Variants in PRKAR1B observed in about 807,000 individuals in gnomAD.
PRKAR1B encodes the protein cAMP-dependent protein kinase type I-beta regulatory subunit.
In PRKAR1B, 22 loss-of-function variants were observed where a neutral mutation model predicts 46.5. The ratio of observed to expected loss-of-function variants is 0.47; its 90% CI spans 0.34 to 0.68. The LOEUF is 0.68. PRKAR1B is among the 30% of genes least tolerant of loss of function. The pLI is 0.01. For synonymous variants in PRKAR1B, 259 were observed against 217.7 expected (o/e 1.19, Z -1.67); for missense variants, 445 against 535.6 (o/e 0.83, Z 1.67).
At chr7:586,853 G>A (rs1464915862) in intron 7 of PRKAR1B, among the ~76,000 whole-genome samples, 5 of 151,338 alleles carry the variant, frequency 3.3e-5, no homozygotes, top group Admixed American at 2.6e-4. Context: ...ACGCCTGGGG[G>A]CAATGGTGAA....
chr7:713,433 C>G (rs79529941), intron 1 of PRKAR1B, among the ~76,000 whole-genome samples: 2,593 of 152,132 alleles, frequency 0.017, 41 homozygotes, highest in East Asian at 0.1. Flanking sequence ...ACTATGCTGC[C>G]CCATCTTCAC....
intron 9 of PRKAR1B, among the ~76,000 whole-genome samples, chr7:556,297 G>A (rs2128421744): frequency 6.6e-6 from 1 of 151,922 alleles, no homozygotes; most frequent in Admixed American, 6.6e-5. Context: ...CCCCTCAGAG[G>A]CATCCCAGAG....
rs1182935548 is a variant in PRKAR1B at position 588,676 on chromosome 7, TGAC to T, written c.709-4111_709-4109del. Among the ~76,000 whole-genome samples, 26 of 140,246 alleles carry T rather than the reference TGAC, an allele frequency of 1.9e-4. 2 individuals carry two copies. Among genetic ancestry groups the T allele is most frequent in the Admixed American group, 4.1e-4 (6 of 14,528 alleles). 92.0% of individuals were successfully genotyped at this position (140,246 alleles called of 152,430 possible). ...GTGGTGAGGATAGTGACAGTGGTGA[TGAC>T]GATGATGGTGATGGTGGTGATGGTG... On this transcript the variant is annotated intron_variant, in intron 7 of 10. Coordinates refer to ENST00000537384, the MANE Select transcript of PRKAR1B (RefSeq NM_001164760.2).
At chr7:570,938 T>C (rs944542844) in intron 9 of PRKAR1B, among the ~76,000 whole-genome samples, 1 of 151,962 alleles carries the variant, frequency 6.6e-6, no homozygotes, top group Non-Finnish European at 1.5e-5. Context: ...CAAGCCCTCA[T>C]GTCCTTCCAA....
chr7:650,053 A>G (rs1371641505), intron 4 of PRKAR1B, among the ~76,000 whole-genome samples: 1 of 150,974 alleles, frequency 6.6e-6, no homozygotes, highest in Non-Finnish European at 1.5e-5. Flanking sequence ...CCTATGCTCA[A>G]GTGATCCTCC....
At chr7:671,835 T>C (rs915871834) in intron 4 of PRKAR1B, among the ~76,000 whole-genome samples, 2 of 152,214 alleles carry the variant, frequency 1.3e-5, no homozygotes, top group African/African-American at 4.8e-5. Context: ...GCCCCAGCCA[T>C]GCCTGGAACG....
intron 1 of PRKAR1B, chr7:726,628 C>T: frequency 9.8e-7 from 1 of 1,025,614 alleles, no homozygotes; most frequent in Non-Finnish European, 1.2e-6. Context: ...TAGCCCGGCG[C>T]CCCGCCCGCA....
chr7:669,428 C>G (rs1344116356), intron 4 of PRKAR1B, among the ~76,000 whole-genome samples: 2 of 152,060 alleles, frequency 1.3e-5, no homozygotes, highest in African/African-American at 4.8e-5. Flanking sequence ...GGCAGCACAC[C>G]ATTGTGAATG....
chr7:558,588 T>C (rs1778595423), intron 9 of PRKAR1B, among the ~76,000 whole-genome samples: 1 of 151,482 alleles, frequency 6.6e-6, no homozygotes, highest in Admixed American at 6.6e-5. Context: ...AAACTCTGTC[T>C]CTACTAAAAA....
intron 8 of PRKAR1B, 87 bp from the exon 9 acceptor site, chr7:579,464 A>T (rs1780058243): frequency 6.5e-7 from 1 of 1,545,470 alleles, no homozygotes. Flanking sequence ...TCTTCCCGAA[A>T]GGTGTCCTCA....
At position 549,725 on chromosome 7, in the gene PRKAR1B, C is replaced by CG. The variant is rs1209898606; in HGVS notation, c.*704_*705insC. 3 of 152,280 alleles carry CG rather than the reference C, an allele frequency of 2.0e-5. No individual in the cohort carries two copies. The highest frequency in any genetic ancestry group is 4.4e-5 in the Non-Finnish European group (3 of 68,124). 9.4% of individuals were successfully genotyped at this position (152,280 alleles called of 1,614,324 possible). A position where few individuals can be genotyped will look rare whatever the true frequency, so the allele number is the denominator to read the frequency against. ...CAAAGGAACTTCGAGCCCGGCCCCCCCTACTGGGGTCTACCTGCGGCCGCG... is the reference window on the plus strand; with the variant it reads ...CAAAGGAACTTCGAGCCCGGCCCCCCGCTACTGGGGTCTACCTGCGGCCGCG... On this transcript the variant is annotated 3_prime_UTR_variant, in exon 11 of 11. Coordinates refer to ENST00000537384, the MANE Select transcript of PRKAR1B (RefSeq NM_001164760.2).
intron 1 of PRKAR1B, among the ~76,000 whole-genome samples, chr7:715,056 A>G (rs1024739431): frequency 3.3e-5 from 5 of 152,122 alleles, no homozygotes; most frequent in African/African-American, 9.7e-5. Flanking sequence ...ATGGTCATGC[A>G]CGCCTGTAAT....
At chr7:631,956 C>A (rs1234373086) in intron 4 of PRKAR1B, among the ~76,000 whole-genome samples, 5 of 147,876 alleles carry the variant, frequency 3.4e-5, no homozygotes, top group African/African-American at 5.0e-5. Context: ...GACCCTGTCT[C>A]AAAAAAAAAA....
At chr7:726,072 TGC>T (rs2128537400) in intron 1 of PRKAR1B, among the ~76,000 whole-genome samples, 1 of 600 alleles carries the variant, frequency 1.7e-3, no homozygotes, top group African/African-American at 0.021. Flanking sequence ...AGCCAGTTTC[TGC>T]ATGCAGCCAG....
chr7:680,540 G>T lies in PRKAR1B; in HGVS notation c.348+16C>A, dbSNP rs754913996. On this transcript the variant is annotated intron_variant, in intron 3 of 10. Coordinates refer to ENST00000537384, the MANE Select transcript of PRKAR1B (RefSeq NM_001164760.2). ...CGAGGCCTGGGGACAGGAACCCCGT[G>T]ACCCGTGAGCCTCACCTTCCTGACG... 5.6e-6 allele frequency: 9 copies of T among 1,600,540 alleles called. No homozygotes were observed. In the East Asian group the frequency reaches 1.6e-4, roughly 28 times the overall value.
intron 9 of PRKAR1B, among the ~76,000 whole-genome samples, chr7:566,681 A>ATAT (rs1562523942): frequency 2.6e-5 from 3 of 114,260 alleles, no homozygotes; most frequent in South Asian, 3.1e-4. Flanking sequence ...CATCACCATC[A>ATAT]CCATCATCAC....
intron 4 of PRKAR1B, among the ~76,000 whole-genome samples, chr7:675,276 G>A (rs978008055): frequency 1.3e-5 from 2 of 152,324 alleles, no homozygotes; most frequent in Admixed American, 1.3e-4. Flanking sequence ...CACTGGCGAG[G>A]AGCACAGCAG....
At chr7:652,283 A>C (rs1285593598) in intron 4 of PRKAR1B, among the ~76,000 whole-genome samples, 1 of 148,112 alleles carries the variant, frequency 6.8e-6, no homozygotes, top group Non-Finnish European at 1.5e-5. Flanking sequence ...CTCTCGGAAG[A>C]CAGTTCACAC....
At chr7:554,347 C>T (rs923329355) in intron 9 of PRKAR1B, among the ~76,000 whole-genome samples, 2 of 152,282 alleles carry the variant, frequency 1.3e-5, no homozygotes, top group Non-Finnish European at 2.9e-5. Context: ...GCCCATCACG[C>T]TGACCTTGCG....
Sources: allele counts gnomAD v4.1 joint callset (sites outside exome capture counted in the v4.1 genomes callset), GRCh38; gene constraint gnomAD v4.1.1; transcripts MANE v1.5; gene names NCBI Gene and HGNC (gene_info 2026-07-23, HGNC 2026-07-21).